PUS10: variants seen among roughly 807,000 people sequenced by gnomAD.
The protein encoded by PUS10 is pseudouridine synthase 10.
A neutral mutation model predicts 75.0 loss-of-function variants in PUS10; 59 were observed. The observed-to-expected ratio is 0.79, with a 90% CI of 0.64 to 0.98. The LOEUF (loss-of-function observed/expected upper bound fraction) is 0.98, where lower values mean the gene tolerates loss of function less well. Ranked by LOEUF, PUS10 falls within the 50% of genes least tolerant of loss-of-function variation. The pLI, the probability that PUS10 is intolerant of heterozygous loss-of-function variation, is 0.00. For synonymous variants in PUS10, 219 were observed against 211.6 expected (o/e 1.03, Z -0.30); for missense variants, 650 against 614.4 (o/e 1.06, Z -0.61).
At chr2:60,970,928 C>T (rs1302607703) in intron 5 of PUS10, among the ~76,000 whole-genome samples, 1 of 151,908 alleles carries the variant, frequency 6.6e-6, no homozygotes, top group Non-Finnish European at 1.5e-5. Context: ...GCCTGTAATC[C>T]CACCACTTTG....
At chr2:60,962,783 C>A in intron 9 of PUS10, 43 bp downstream of exon 9, 2 of 1,561,408 alleles carry the variant, frequency 1.3e-6, no homozygotes, top group South Asian at 1.2e-5. Context: ...TCCCTTTATT[C>A]TAAAATTTCA....
At chr2:60,988,842 A>G (rs1397101933) in intron 4 of PUS10, among the ~76,000 whole-genome samples, 2 of 148,122 alleles carry the variant, frequency 1.4e-5, no homozygotes, top group South Asian at 2.1e-4. Context: ...GGGTTTTGCC[A>G]GGTTGGCCAG....
Position 60,960,443 on chromosome 2 carries a change from A to C in PUS10, c.949T>G (p.Ser317Ala). ...TGATCTGAAATTAATTCTTCCACTG[A>C]AGATTCCAGCTTCCTTTCTCCATCA... ...IIDGERKLESSVEELISDHLL... is the reference protein window; with the variant it reads ...IIDGERKLESAVEELISDHLL... The change falls in exon 11 of 18, where the codon TCA (serine) becomes GCA (alanine). Residue 317 changes from serine to alanine, a missense_variant. Physicochemically the swap from Ser to Ala is moderately conservative, Grantham distance 99 (BLOSUM62 1). Coordinates refer to ENST00000316752, the MANE Select transcript of PUS10 (RefSeq NM_144709.4). The C allele has an allele frequency of 6.3e-7, 1 of 1,577,858 alleles. No homozygotes were observed. The highest frequency in any genetic ancestry group is 8.6e-7 in the Non-Finnish European group (1 of 1,166,498).
At chr2:61,014,290 A>T (rs989456088) in intron 1 of PUS10, among the ~76,000 whole-genome samples, 1 of 152,032 alleles carries the variant, frequency 6.6e-6, no homozygotes, top group Non-Finnish European at 1.5e-5. Flanking sequence ...AGACAAGAGA[A>T]TCACTTGAAC....
intron 4 of PUS10, among the ~76,000 whole-genome samples, chr2:60,995,293 G>A (rs542675231): frequency 5.6e-4 from 86 of 152,222 alleles, no homozygotes; most frequent in African/African-American, 2.0e-3. Flanking sequence ...AACTGTTGGT[G>A]GCTTGTTTTC....
At chr2:60,962,749 G>A in intron 9 of PUS10, 77 bp downstream of exon 9, 1 of 1,507,182 alleles carries the variant, frequency 6.6e-7, no homozygotes, top group Non-Finnish European at 8.9e-7. Context: ...TTGTTTCAGA[G>A]ATAATCCAGC....
chr2:60,995,246 A>G (rs1284458307), intron 4 of PUS10, among the ~76,000 whole-genome samples: 1 of 152,216 alleles, frequency 6.6e-6, no homozygotes, highest in African/African-American at 2.4e-5. Flanking sequence ...TAAATGAAAG[A>G]GCACATGCAA....
At chr2:60,984,616 A>C (rs1334433693) in intron 4 of PUS10, among the ~76,000 whole-genome samples, 1 of 152,218 alleles carries the variant, frequency 6.6e-6, no homozygotes, top group African/African-American at 2.4e-5. Flanking sequence ...TGTTCATTGC[A>C]AATTCCATTT....
At chr2:60,947,968 T>G in intron 16 of PUS10, 75 bp downstream of exon 16, 1 of 1,528,300 alleles carries the variant, frequency 6.5e-7, no homozygotes, top group Non-Finnish European at 9.0e-7. Context: ...AAGCTGACCC[T>G]GTTTTCTAGG....
chr2:60,972,954 G>A (rs1016368210), intron 4 of PUS10, among the ~76,000 whole-genome samples: 2 of 152,246 alleles, frequency 1.3e-5, no homozygotes, highest in Non-Finnish European at 2.9e-5. Context: ...CGGAGTAGCT[G>A]CTGCCATCAA....
At chr2:60,976,233 A>G (rs1677026450) in intron 4 of PUS10, among the ~76,000 whole-genome samples, 1 of 152,244 alleles carries the variant, frequency 6.6e-6, no homozygotes, top group Non-Finnish European at 1.5e-5. Context: ...CTGAAACCTT[A>G]TCTGTACTTT....
rs555015153 is a variant in PUS10 at position 60,948,001 on chromosome 2, A to G, written c.1451+42T>C. 6.8e-6 allele frequency: 11 copies of G among 1,610,974 alleles called. No homozygotes were observed. The African/African-American group carries it at 8.0e-5, about 12-fold the overall frequency. On this transcript the variant is annotated intron_variant, in intron 16 of 17. Transcript: ENST00000316752. Reference sequence around the variant, plus strand: ...AGGGGACCATGAACTTTTCCAATAGAGTTCTGGTTCGATGGCGGCAGTGCA... The same window carrying G: ...AGGGGACCATGAACTTTTCCAATAGGGTTCTGGTTCGATGGCGGCAGTGCA...
chr2:60,980,377 C>T (rs1677306986), intron 4 of PUS10, among the ~76,000 whole-genome samples: 2 of 152,314 alleles, frequency 1.3e-5, no homozygotes, highest in South Asian at 4.1e-4. Context: ...AAGCCCCATT[C>T]TAAGGATACC....
At chr2:60,955,850 T>C (rs111280795) in intron 11 of PUS10, among the ~76,000 whole-genome samples, 179 of 152,264 alleles carry the variant, frequency 1.2e-3, no homozygotes, top group African/African-American at 4.1e-3. Flanking sequence ...CATAAGCGTA[T>C]GGTGAAAACT....
chr2:60,965,730 T>G (rs1469799520), intron 6 of PUS10: 1 of 298,852 alleles, frequency 3.3e-6, no homozygotes, highest in Non-Finnish European at 6.1e-6. Context: ...AAAATAAATG[T>G]GTATACTTTT....
chr2:60,967,730 C>T, intron 5 of PUS10, 117 bp from the exon 6 acceptor site: 1 of 621,394 alleles, frequency 1.6e-6, no homozygotes, highest in Non-Finnish European at 2.7e-6. Context: ...GTACCAGGCA[C>T]TATTCTACAC....
intron 4 of PUS10, among the ~76,000 whole-genome samples, chr2:60,986,815 A>G (rs1677750170): frequency 1.3e-5 from 2 of 152,238 alleles, no homozygotes; most frequent in African/African-American, 4.8e-5. Flanking sequence ...GGAGACAGAA[A>G]GAACTGGGTT....
rs941419756 is a variant in PUS10 at position 60,952,337 on chromosome 2, A to C, written c.1308+660T>G. ...CGACAAGAGCAAGACTCTGTCTCAA[A>C]AAAAAAAAAAAAAAAGAAAAAAAGA... On this transcript the variant is annotated intron_variant, in intron 15 of 17. Coordinates refer to ENST00000316752, the MANE Select transcript of PUS10 (RefSeq NM_144709.4). Among the ~76,000 whole-genome samples, 32 of 90,850 alleles carry C rather than the reference A, an allele frequency of 3.5e-4. 1 individual carries two copies. In the South Asian group the frequency reaches 7.5e-3, roughly 21 times the overall value. 59.6% of individuals were successfully genotyped at this position (90,850 alleles called of 152,430 possible). A position where few individuals can be genotyped will look rare whatever the true frequency, so the allele number is the denominator to read the frequency against.
At position 60,942,419 on chromosome 2, in the gene PUS10, G is replaced by C; in HGVS notation, c.1566C>G (p.Asp522Glu). 1 of 1,613,180 alleles carries C rather than the reference G, an allele frequency of 6.2e-7. No homozygotes were observed. The highest frequency in any genetic ancestry group is 8.5e-7 in the Non-Finnish European group (1 of 1,179,134). The change falls in exon 18 of 18, where the codon GAC becomes GAG. Residue 522 changes from aspartate to glutamate, a missense_variant. By Grantham distance (45) the Asp-to-Glu change is conservative (BLOSUM62 2). Coordinates refer to ENST00000316752, the MANE Select transcript of PUS10 (RefSeq NM_144709.4). The stretch of plus-strand genomic sequence containing the variant: ...GCTAGTCATCCAGAGCAGGTGGCCA[G>C]TCAACATCTACAGACTAGAAGGGAG... ...LELDVESVDV[D>E]WPPALDD is the part of the protein sequence containing the mutation.
Sources: allele counts gnomAD v4.1 joint callset (sites outside exome capture counted in the v4.1 genomes callset), GRCh38; gene constraint gnomAD v4.1.1; transcripts MANE v1.5; gene names NCBI Gene and HGNC (gene_info 2026-07-23, HGNC 2026-07-21).